Variants in SHTN1 observed in about 807,000 individuals in gnomAD.
SHTN1 encodes shootin 1.
A neutral mutation model predicts 83.1 loss-of-function variants in SHTN1; 42 were observed. That is an observed-to-expected ratio of 0.51 (90% confidence interval 0.39 to 0.65). The LOEUF (loss-of-function observed/expected upper bound fraction) is 0.65, where lower values mean the gene tolerates loss of function less well. SHTN1 is among the 30% of genes least tolerant of loss of function. The pLI, the probability that SHTN1 is intolerant of heterozygous loss-of-function variation, is 0.00. For synonymous variants in SHTN1, 224 were observed against 247.7 expected (o/e 0.90, Z 0.90); for missense variants, 622 against 737.8 (o/e 0.84, Z 1.82).
rs548803663 is a variant in SHTN1 at position 117,002,096 on chromosome 10, G to C, written c.58+2926C>G. Among the ~76,000 whole-genome samples, 10 of 152,310 alleles carry C rather than the reference G, an allele frequency of 6.6e-5. No individual in the cohort carries two copies. In the South Asian group the frequency reaches 1.2e-3, roughly 19 times the overall value. On this transcript the variant is annotated intron_variant, in intron 1 of 16. Transcript: ENST00000355371. Reference sequence around the variant, plus strand: ...AGTTGACCAATGTGTGGGGAAATGGGTACTGCTGAAGGATATCTGAACTGG... The same window carrying C: ...AGTTGACCAATGTGTGGGGAAATGGCTACTGCTGAAGGATATCTGAACTGG...
chr10:117,116,710 C>T (rs1186460008), intron 1 of SHTN1, among the ~76,000 whole-genome samples: 1 of 152,116 alleles, frequency 6.6e-6, no homozygotes, highest in Non-Finnish European at 1.5e-5. Context: ...GGATCATTCA[C>T]CATGATCAAG....
chr10:116,967,000 A>G (rs755588562), intron 3 of SHTN1, among the ~76,000 whole-genome samples: 14 of 152,238 alleles, frequency 9.2e-5, no homozygotes, highest in Non-Finnish European at 1.5e-4. Flanking sequence ...ACAACCAGAC[A>G]CTGAAGTAAA....
intron 1 of SHTN1, among the ~76,000 whole-genome samples, chr10:116,985,898 T>G (rs1300957251): frequency 6.6e-6 from 1 of 152,230 alleles, no homozygotes; most frequent in African/African-American, 2.4e-5. Flanking sequence ...AGAAGTCATT[T>G]GTAACTTACT....
At chr10:117,090,389 G>A (rs140043810) in intron 1 of SHTN1, among the ~76,000 whole-genome samples, 2 of 152,256 alleles carry the variant, frequency 1.3e-5, no homozygotes, top group African/African-American at 4.8e-5. Flanking sequence ...GAATTTGGTC[G>A]TCAGGGGCCA....
intron 1 of SHTN1, among the ~76,000 whole-genome samples, chr10:117,076,000 T>C (rs1004132330): frequency 2.0e-5 from 3 of 151,944 alleles, no homozygotes; most frequent in South Asian, 4.1e-4. Flanking sequence ...CTGGGCAACA[T>C]AGTGGAACCC....
Position 116,994,871 on chromosome 10 carries a change from T to C in SHTN1, c.58+10151A>G, listed in dbSNP as rs975016947. Among the ~76,000 whole-genome samples, 7 of 1,020 alleles carry C rather than the reference T, an allele frequency of 6.9e-3. No homozygotes were observed. The Admixed American group carries it at 0.18, about 26-fold the overall frequency. The allele number at this position is 1,020 out of a possible 152,430, so 0.7% of individuals were successfully genotyped here. On this transcript the variant is annotated intron_variant, in intron 1 of 16. Transcript: ENST00000355371. ...GGAAGTCTGAAAGTGACATATTAAA[T>C]AAACCCATTAGGTTTATTCTGCATG...
chr10:116,935,444 T>C, intron 9 of SHTN1, among the ~76,000 whole-genome samples: 1 of 152,198 alleles, frequency 6.6e-6, no homozygotes, highest in South Asian at 2.1e-4. Flanking sequence ...TGTCATTGGT[T>C]CTGTTTATGT....
chr10:116,901,489 G>T (rs1222789897), intron 16 of SHTN1: 2 of 984,888 alleles, frequency 2.0e-6, no homozygotes, highest in South Asian at 9.4e-5. Context: ...CGCAGAGTCT[G>T]TATCATCCAG....
At chr10:116,914,464 C>T (rs1223473358) in intron 13 of SHTN1, among the ~76,000 whole-genome samples, 2 of 150,390 alleles carry the variant, frequency 1.3e-5, no homozygotes, top group Admixed American at 6.6e-5. Flanking sequence ...GAGTAAGACT[C>T]CATCTAAAAA....
intron 2 of SHTN1, among the ~76,000 whole-genome samples, chr10:117,019,826 C>CAAAA (rs199637675): frequency 8.5e-6 from 1 of 118,212 alleles, no homozygotes; most frequent in African/African-American, 2.9e-5. Flanking sequence ...GCCCTTGTCT[C>CAAAA]AAAAAAAAAA....
intron 9 of SHTN1, among the ~76,000 whole-genome samples, chr10:116,934,727 G>A (rs898968445): frequency 4.6e-5 from 7 of 152,104 alleles, no homozygotes; most frequent in Non-Finnish European, 1.0e-4. Flanking sequence ...TAGCTTGATA[G>A]GGATAGCATT....
In SHTN1 at chr10:116,948,921, T is replaced by C. The variant is rs375430791; in HGVS notation, c.611A>G (p.Asn204Ser). The stretch of plus-strand genomic sequence containing the variant: ...AAAAGACTGGACAGACTTACCTCTA[T>C]TGCATTTTTCTAAGACTTTTCTCTG... Reference protein sequence around the residue: ...LEQRKVLEKCNRVSMLAVEEY... With the variant: ...LEQRKVLEKCSRVSMLAVEEY... Residue 204 changes from asparagine (N) to serine (S), a missense_variant, in exon 7 of 17, where the codon AAT (asparagine) becomes AGT (serine). Transcript: ENST00000355371. 6 of 1,571,456 alleles carry C rather than the reference T, an allele frequency of 3.8e-6. No homozygotes were observed. In the African/African-American group the frequency reaches 5.4e-5, roughly 14 times the overall value.
chr10:117,000,016 G>A (rs1286535289), intron 1 of SHTN1, among the ~76,000 whole-genome samples: 1 of 152,142 alleles, frequency 6.6e-6, no homozygotes, highest in African/African-American at 2.4e-5. Context: ...TCTCATGGGG[G>A]GTTGCCAAAC....
chr10:117,091,439 C>T (rs1020421793), intron 1 of SHTN1, among the ~76,000 whole-genome samples: 17 of 152,170 alleles, frequency 1.1e-4, no homozygotes, highest in African/African-American at 4.1e-4. Flanking sequence ...CAGACATGAC[C>T]TTTCCCCATA....
Position 116,979,219 on chromosome 10 carries a change from C to T in SHTN1, c.111+37G>A, listed in dbSNP as rs748302178. On this transcript the variant is annotated intron_variant, in intron 2 of 16. Transcript: ENST00000355371. ...GCACTATGCCGCCTAGGCTTTTACACATGTAAGAAAGGGGAAAAAAAAGGT... is the reference window on the plus strand; with the variant it reads ...GCACTATGCCGCCTAGGCTTTTACATATGTAAGAAAGGGGAAAAAAAAGGT... 1.1e-5 allele frequency: 17 copies of T among 1,565,756 alleles called. No homozygotes were observed. The South Asian group carries it at 1.4e-4, about 13-fold the overall frequency.
chr10:116,988,339 C>T (rs994527864), intron 1 of SHTN1, among the ~76,000 whole-genome samples: 1 of 151,704 alleles, frequency 6.6e-6, no homozygotes, highest in Non-Finnish European at 1.5e-5. Flanking sequence ...ATCAATCATA[C>T]ACAAATTTGT....
At chr10:116,964,808 C>T (rs1057222958) in intron 3 of SHTN1, among the ~76,000 whole-genome samples, 1 of 152,028 alleles carries the variant, frequency 6.6e-6, no homozygotes, top group Non-Finnish European at 1.5e-5. Flanking sequence ...CATGGTGAAA[C>T]CCTGTCTATA....
intron 1 of SHTN1, among the ~76,000 whole-genome samples, chr10:117,091,052 A>G (rs1853424453): frequency 6.6e-6 from 1 of 152,184 alleles, no homozygotes. Context: ...CCTCTGGAAG[A>G]GAAGATTGAA....
At chr10:117,019,801 T>G (rs1242905673) in intron 2 of SHTN1, among the ~76,000 whole-genome samples, 1 of 144,784 alleles carries the variant, frequency 6.9e-6, no homozygotes. Context: ...CACTCCACAG[T>G]GGGTGACAGA....
Sources: allele counts gnomAD v4.1 joint callset (sites outside exome capture counted in the v4.1 genomes callset), GRCh38; gene constraint gnomAD v4.1.1; transcripts MANE v1.5; gene names NCBI Gene and HGNC (gene_info 2026-07-23, HGNC 2026-07-21).